The following NXPE1 variants were observed in gnomAD, a reference collection of about 807,000 sequenced individuals.
The protein encoded by NXPE1 is NXPE family member 1.
In NXPE1, 31 loss-of-function variants were observed where a neutral mutation model predicts 33.3. That is an observed-to-expected ratio of 0.93 (90% CI 0.70 to 1.26). The LOEUF (loss-of-function observed/expected upper bound fraction) is 1.26, where lower values mean the gene tolerates loss of function less well. NXPE1 is among the 50% of genes most tolerant of loss of function. The pLI is 0.00. For synonymous variants in NXPE1, 229 were observed against 231.4 expected (o/e 0.99, Z 0.09); for missense variants, 661 against 655.6 (o/e 1.01, Z -0.09).
chr11:114,551,257 C>A, intron 4 of NXPE1, 46 bp from the exon 5 acceptor site: 1 of 1,318,114 alleles, frequency 7.6e-7, no homozygotes, highest in Non-Finnish European at 1.0e-6. Context: ...GTGAATCTCT[C>A]TGTACTCACT....
intron 5 of NXPE1, among the ~76,000 whole-genome samples, chr11:114,532,556 A>G (rs1456288959): frequency 3.9e-5 from 6 of 152,162 alleles, no homozygotes; most frequent in Non-Finnish European, 8.8e-5. Flanking sequence ...TGGTGAGTAC[A>G]GACATCCCTA....
At chr11:114,550,233 A>G (rs977279010) in intron 5 of NXPE1, among the ~76,000 whole-genome samples, 1 of 152,196 alleles carries the variant, frequency 6.6e-6, no homozygotes, top group Non-Finnish European at 1.5e-5. Context: ...ACTTGAAAGG[A>G]TAAGTGAAAG....
chr11:114,525,970 G>A (rs1369685979), intron 7 of NXPE1, among the ~76,000 whole-genome samples: 1 of 152,162 alleles, frequency 6.6e-6, no homozygotes, highest in Non-Finnish European at 1.5e-5. Flanking sequence ...TATGACCAGG[G>A]TATGGCCTTT....
At chr11:114,523,788 C>T (rs1947286724) in intron 7 of NXPE1, among the ~76,000 whole-genome samples, 1 of 152,144 alleles carries the variant, frequency 6.6e-6, no homozygotes, top group African/African-American at 2.4e-5. Context: ...TGTCATGTTT[C>T]CTTACCACTC....
chr11:114,552,268 T>C (rs1166527601), intron 2 of NXPE1, among the ~76,000 whole-genome samples, 183 bp from the exon 3 acceptor site: 1 of 152,160 alleles, frequency 6.6e-6, no homozygotes, highest in Non-Finnish European at 1.5e-5. Context: ...AGAGAACTTG[T>C]AGAGGTGTTG....
At chr11:114,533,145 C>CT (rs892624960) in intron 5 of NXPE1, among the ~76,000 whole-genome samples, 4 of 152,144 alleles carry the variant, frequency 2.6e-5, no homozygotes, top group Non-Finnish European at 4.4e-5. Context: ...GAGAAACAGA[C>CT]TTTTTTTCCC....
intron 6 of NXPE1, among the ~76,000 whole-genome samples, chr11:114,528,128 A>G (rs1947436885): frequency 1.3e-5 from 2 of 152,192 alleles, no homozygotes; most frequent in Non-Finnish European, 2.9e-5. Flanking sequence ...CCGATCTGCC[A>G]CATGTAATCA....
At chr11:114,558,879 T>C (rs916653685) in intron 1 of NXPE1, among the ~76,000 whole-genome samples, 1 of 152,192 alleles carries the variant, frequency 6.6e-6, no homozygotes, top group Non-Finnish European at 1.5e-5. Context: ...CATACAAAGT[T>C]TGTTTTCAGT....
At chr11:114,530,216 C>T (rs1947528301) in exon 6 of NXPE1, 1 of 1,612,560 alleles carries the variant, frequency 6.2e-7, no homozygotes, top group East Asian at 2.2e-5. Context: ...GATAAGATAC[C>T]TCTCTATTCC....
rs535224558 is a variant in NXPE1, at chr11:114,527,454, A to G, written c.895+386T>C. ...ATAATCAGATGAAAGCTCCATATAAAATTGGTAATTGCATCAACTAAATGT... is the reference window on the plus strand; with the variant it reads ...ATAATCAGATGAAAGCTCCATATAAGATTGGTAATTGCATCAACTAAATGT... On this transcript the variant is annotated intron_variant, in intron 7 of 8. Coordinates refer to ENST00000534921, the Ensembl canonical transcript of NXPE1. Among the ~76,000 whole-genome samples the G allele has an allele frequency of 3.9e-5, 6 of 152,296 alleles. No individual in the cohort carries two copies. The East Asian group carries it at 1.2e-3, about 29-fold the overall frequency.
intron 1 of NXPE1, among the ~76,000 whole-genome samples, chr11:114,558,075 A>C (rs1162007768): frequency 2.0e-5 from 3 of 152,042 alleles, no homozygotes; most frequent in African/African-American, 7.2e-5. Context: ...AACAGATCAA[A>C]TATAACATCC....
intron 5 of NXPE1, among the ~76,000 whole-genome samples, chr11:114,545,795 T>C (rs1475885131): frequency 4.0e-5 from 6 of 151,864 alleles, no homozygotes; most frequent in Non-Finnish European, 7.4e-5. Flanking sequence ...TTCAAGCGAT[T>C]CTCCTACCTT....
intron 1 of NXPE1, chr11:114,554,300 C>A: frequency 1.0e-6 from 1 of 981,902 alleles, no homozygotes; most frequent in Non-Finnish European, 1.2e-6. Flanking sequence ...AAGCAGAGGC[C>A]ATGTGTGCCA....
downstream of NXPE1, among the ~76,000 whole-genome samples, chr11:114,520,948 G>A (rs544473528): frequency 5.3e-5 from 8 of 152,292 alleles, no homozygotes; most frequent in Middle Eastern, 3.4e-3. Context: ...TTTGAGCAGT[G>A]GATTCAGAAG....
chr11:114,559,380 C>G (rs1193281072), intron 1 of NXPE1, among the ~76,000 whole-genome samples: 1 of 152,184 alleles, frequency 6.6e-6, no homozygotes, highest in Non-Finnish European at 1.5e-5. Flanking sequence ...TCCACCCAAA[C>G]AATGTCATAC....
At chr11:114,535,245 A>G (rs369333588) in intron 5 of NXPE1, among the ~76,000 whole-genome samples, 1 of 152,230 alleles carries the variant, frequency 6.6e-6, no homozygotes, top group Admixed American at 6.5e-5. Flanking sequence ...AGATTTTGTC[A>G]CCACCAGGCC....
At chr11:114,535,041 G>T (rs1947748830) in intron 5 of NXPE1, among the ~76,000 whole-genome samples, 1 of 152,140 alleles carries the variant, frequency 6.6e-6, no homozygotes, top group South Asian at 2.1e-4. Flanking sequence ...GAAAGGTCGG[G>T]TTACCCACAA....
At chr11:114,520,186 A>G (rs1439382163), downstream of NXPE1, among the ~76,000 whole-genome samples, 2 of 152,222 alleles carry the variant, frequency 1.3e-5, no homozygotes, top group South Asian at 2.1e-4. Context: ...TATAGTTCTC[A>G]TGCTGTACAT....
intron 8 of NXPE1, 115 bp from the exon 9 acceptor site, chr11:114,522,618 T>G: frequency 1.1e-6 from 1 of 888,978 alleles, no homozygotes. Flanking sequence ...CACTGGAGCC[T>G]TTCTACTCTC....
Sources: gnomAD v4.1 joint callset for allele counts (sites outside exome capture counted in the v4.1 genomes callset) on GRCh38, gnomAD v4.1.1 for gene constraint, MANE v1.5 for transcripts, NCBI Gene and HGNC (gene_info 2026-07-23, HGNC 2026-07-21) for gene names.